Variants in NCALD observed in about 807,000 individuals in gnomAD.
NCALD encodes the protein neurocalcin-delta.
A neutral mutation model predicts 18.6 loss-of-function variants in NCALD; 10 were observed. The ratio of observed to expected loss-of-function variants is 0.54; its 90% CI spans 0.33 to 0.91. The LOEUF (loss-of-function observed/expected upper bound fraction) is 0.91. NCALD is among the 40% of genes least tolerant of loss of function. The pLI is 0.03. For missense variants in NCALD, 184 were observed against 247.6 expected (o/e 0.74, Z 1.72); for synonymous variants, 88 against 87.4 (o/e 1.01, Z -0.04).
chr8:102,077,738 T>C lies in NCALD; in HGVS notation c.-210+46499A>G, dbSNP rs562254118. On this transcript the variant is annotated intron_variant, in intron 1 of 6. Coordinates refer to the NCALD transcript ENST00000311028. ...AGCAGACTGGAAGGGGCCCTACACC[T>C]TGGTGGGCCAGATATCAGTTGAATT... Among the ~76,000 whole-genome samples, 59 of 152,264 alleles carry C rather than the reference T, an allele frequency of 3.9e-4. 1 individual carries two copies. The highest frequency in any genetic ancestry group is 2.9e-4 in the Non-Finnish European group (20 of 68,018).
chr8:101,904,127 T>A (rs1418096521), intron 3 of NCALD, among the ~76,000 whole-genome samples: 1 of 152,154 alleles, frequency 6.6e-6, no homozygotes, highest in Non-Finnish European at 1.5e-5. Context: ...CCCTGGTGAG[T>A]AATTCAGCTA....
chr8:102,015,644 A>G (rs1822057113), intron 2 of NCALD, among the ~76,000 whole-genome samples: 1 of 152,182 alleles, frequency 6.6e-6, no homozygotes, highest in Admixed American at 6.5e-5. Flanking sequence ...TAATACTTGT[A>G]TTGAACTCAT....
At chr8:101,826,150 A>AT (rs138554393) in intron 4 of NCALD, among the ~76,000 whole-genome samples, 6,331 of 152,284 alleles carry the variant, frequency 0.042, 324 homozygotes, top group East Asian at 0.12. Flanking sequence ...AGCTGGAGCC[A>AT]TACCTCCAGC....
At chr8:101,762,987 T>G (rs980382897) in intron 1 of NCALD, among the ~76,000 whole-genome samples, 3 of 152,208 alleles carry the variant, frequency 2.0e-5, no homozygotes, top group Non-Finnish European at 2.9e-5. Flanking sequence ...GCTTTACTAC[T>G]TATTAACTGT....
At chr8:101,701,789 G>A (rs1323082767) in intron 2 of NCALD, among the ~76,000 whole-genome samples, 4 of 152,118 alleles carry the variant, frequency 2.6e-5, no homozygotes, top group East Asian at 1.9e-4. Flanking sequence ...AGCAGACTAC[G>A]GACAACAGAA....
In NCALD at chr8:101,833,610, G is replaced by GTTTT. The variant is rs555031298; in HGVS notation, c.-20+53527_-20+53530dup. On this transcript the variant is annotated intron_variant, in intron 4 of 6. Coordinates refer to the NCALD transcript ENST00000311028. ...ATGAAATTACTGTTTTTTGTTTCTT[G>GTTTT]TTTTTTTTTTTTTTTTTTTTTTTGG... is the stretch of plus-strand genomic sequence containing the variant. 3.4e-3 allele frequency among the ~76,000 whole-genome samples: 302 copies of GTTTT among 88,404 alleles called. 5 individuals carry two copies. The highest frequency in any genetic ancestry group is 0.013 in the African/African-American group (283 of 22,542). 58.0% of individuals were successfully genotyped at this position (88,404 alleles called of 152,430 possible).
intron 1 of NCALD, among the ~76,000 whole-genome samples, chr8:101,781,127 G>T (rs1018885367): frequency 2.6e-5 from 4 of 152,086 alleles, no homozygotes; most frequent in African/African-American, 9.7e-5. Flanking sequence ...ACCAAAGATT[G>T]CATCTTTAAT....
intron 1 of NCALD, among the ~76,000 whole-genome samples, chr8:101,745,637 G>A (rs1563724557): frequency 1.3e-5 from 2 of 152,164 alleles, no homozygotes; most frequent in Non-Finnish European, 2.9e-5. Context: ...AGTCTGTTCT[G>A]TCCTGCTATT....
rs193187795 is a variant in NCALD, at chr8:102,001,524, A to C, written c.-157+18713T>G. On this transcript the variant is annotated intron_variant, in intron 2 of 6. Transcript: ENST00000311028. ...ACATTCAAATTCAGGAAATACAGAG[A>C]ATGCCACAAAGATACTCCTCGAGAA... Among the ~76,000 whole-genome samples the C allele has an allele frequency of 3.8e-3, 573 of 152,292 alleles. 7 individuals carry two copies. The highest frequency in any genetic ancestry group is 0.013 in the African/African-American group (536 of 41,548).
chr8:101,999,070 C>A (rs1477848520), intron 2 of NCALD, among the ~76,000 whole-genome samples: 1 of 109,294 alleles, frequency 9.1e-6, no homozygotes. Context: ...TCACACTCAC[C>A]ATCAAAAAAA....
At chr8:101,946,743 A>T (rs1256728439) in intron 2 of NCALD, among the ~76,000 whole-genome samples, 1 of 149,268 alleles carries the variant, frequency 6.7e-6, no homozygotes, top group Non-Finnish European at 1.5e-5. Flanking sequence ...TGAATAATAC[A>T]TTTTAAGAAG....
intron 3 of NCALD, chr8:101,692,330 C>G: frequency 2.0e-6 from 2 of 985,394 alleles, no homozygotes; most frequent in Non-Finnish European, 2.4e-6. Flanking sequence ...CACAACATCT[C>G]AGTGCATGCA....
chr8:101,691,026 A>G, intron 3 of NCALD: 1 of 985,396 alleles, frequency 1.0e-6, no homozygotes, highest in Non-Finnish European at 1.2e-6. Context: ...TTCAAATCGG[A>G]GGCCAGAAGT....
chr8:101,954,113 T>C (rs1819533848), intron 2 of NCALD, among the ~76,000 whole-genome samples: 1 of 152,124 alleles, frequency 6.6e-6, no homozygotes, highest in African/African-American at 2.4e-5. Context: ...GGGAGCTGCA[T>C]TTGAAGTGCA....
chr8:101,832,254 C>A (rs1389485589), intron 4 of NCALD, among the ~76,000 whole-genome samples: 1 of 152,066 alleles, frequency 6.6e-6, no homozygotes, highest in Non-Finnish European at 1.5e-5. Flanking sequence ...CTCTCCCACT[C>A]TCTGTCTCTC....
intron 1 of NCALD, among the ~76,000 whole-genome samples, chr8:102,051,034 G>A (rs1823440362): frequency 1.3e-5 from 2 of 151,266 alleles, no homozygotes; most frequent in South Asian, 2.1e-4. Flanking sequence ...TCCAAAAAAT[G>A]TCATACATGT....
At chr8:101,928,532 T>C (rs901962007) in intron 2 of NCALD, among the ~76,000 whole-genome samples, 1 of 152,150 alleles carries the variant, frequency 6.6e-6, no homozygotes, top group Admixed American at 6.5e-5. Flanking sequence ...TCCATGATGC[T>C]GCCCTCAGGT....
intron 4 of NCALD, among the ~76,000 whole-genome samples, chr8:101,881,653 T>A (rs1816498053): frequency 1.3e-5 from 2 of 151,968 alleles, no homozygotes; most frequent in African/African-American, 4.8e-5. Context: ...CATAAATGTA[T>A]CTTCTTAAGA....
At chr8:101,997,103 T>C (rs1484735743) in intron 2 of NCALD, among the ~76,000 whole-genome samples, 2 of 152,364 alleles carry the variant, frequency 1.3e-5, no homozygotes, top group East Asian at 3.9e-4. Context: ...ATTTGGCTTT[T>C]TAAGCTTTGC....
Sources: gnomAD v4.1 joint callset for allele counts (sites outside exome capture counted in the v4.1 genomes callset) on GRCh38, gnomAD v4.1.1 for gene constraint, MANE v1.5 for transcripts, NCBI Gene and HGNC (gene_info 2026-07-23, HGNC 2026-07-21) for gene names.